The following TRAK1 variants were observed in gnomAD, a reference collection of about 807,000 sequenced individuals.
TRAK1 encodes trafficking kinesin-binding protein 1.
In TRAK1, 33 loss-of-function variants were observed where a neutral mutation model predicts 92.1. The observed-to-expected ratio is 0.36, with a 90% CI of 0.27 to 0.48. The LOEUF (loss-of-function observed/expected upper bound fraction) is 0.48. Among genes scored for constraint, TRAK1 ranks in the 20% least tolerant of loss-of-function variants. TRAK1 has a pLI of 0.99. For missense variants in TRAK1, 1,123 were observed against 1,257.9 expected (o/e 0.89, Z 1.62); for synonymous variants, 521 against 517.3 (o/e 1.01, Z -0.10).
At chr3:42,080,521 T>A (rs115270735) in intron 1 of TRAK1, among the ~76,000 whole-genome samples, 129 of 152,286 alleles carry the variant, frequency 8.5e-4, no homozygotes, top group African/African-American at 3.0e-3. Context: ...TGCCATCCAC[T>A]CTCACTTTTC....
chr3:42,200,555 A>G (rs930584435), intron 11 of TRAK1, among the ~76,000 whole-genome samples: 1 of 152,168 alleles, frequency 6.6e-6, no homozygotes, highest in African/African-American at 2.4e-5. Flanking sequence ...GTGAAACACA[A>G]TTTCACTCTT....
At chr3:42,091,327 A>G (rs1705026728), upstream of TRAK1, 2 of 712,990 alleles carry the variant, frequency 2.8e-6, no homozygotes, top group South Asian at 1.7e-5. Context: ...ACAGCTCACA[A>G]TCTTAGGATT....
chr3:42,036,244 G>A (rs1438409809), intron 1 of TRAK1, among the ~76,000 whole-genome samples: 1 of 152,188 alleles, frequency 6.6e-6, no homozygotes, highest in Non-Finnish European at 1.5e-5. Context: ...AAGATTGTAG[G>A]TTCCATGAGG....
chr3:42,190,577 A>G (rs2149421123), intron 6 of TRAK1, among the ~76,000 whole-genome samples: 1 of 152,264 alleles, frequency 6.6e-6, no homozygotes, highest in Non-Finnish European at 1.5e-5. Context: ...TAAATGCTCC[A>G]GCCCCGGGCG....
intron 1 of TRAK1, among the ~76,000 whole-genome samples, chr3:42,026,779 C>T (rs952287616): frequency 2.0e-5 from 3 of 152,108 alleles, no homozygotes; most frequent in Non-Finnish European, 2.9e-5. Context: ...CCTGCCTCGG[C>T]CTCCCAAAGT....
Position 42,013,848 on chromosome 3 carries a change from C to A in TRAK1, c.-788C>A, listed in dbSNP as rs1477200370. The A allele has an allele frequency of 6.6e-6, 1 of 150,424 alleles. No individual in the cohort carries two copies. The highest frequency in any genetic ancestry group is 1.5e-5 in the Non-Finnish European group (1 of 67,238). The allele number at this position is 150,424 out of a possible 1,614,324, so 9.3% of individuals were successfully genotyped here. A position where few individuals can be genotyped will look rare whatever the true frequency, so the allele number is the denominator to read the frequency against. On this transcript the variant is annotated 5_prime_UTR_variant, in exon 1 of 17. Coordinates refer to the TRAK1 transcript ENST00000487159. The surrounding 1 kb of genome is among the most constrained non-coding windows in gnomAD (Gnocchi z 5.1). ...GAGCCGGAGCGCAGCCTTAGCGTCC[C>A]CGAGAGTCTCGAACGCCCCGACGAC...
At chr3:42,127,347 CTTT>C (rs71741232) in intron 2 of TRAK1, among the ~76,000 whole-genome samples, 5 of 127,846 alleles carry the variant, frequency 3.9e-5, no homozygotes, top group African/African-American at 6.0e-5. Context: ...CATTCATACA[CTTT>C]TTTTTTTTTT....
At chr3:42,186,846 T>C (rs575061294) in intron 4 of TRAK1, among the ~76,000 whole-genome samples, 2 of 152,236 alleles carry the variant, frequency 1.3e-5, no homozygotes, top group Non-Finnish European at 2.9e-5. Flanking sequence ...GCTAAAACTT[T>C]TATGCACGTA....
intron 1 of TRAK1, among the ~76,000 whole-genome samples, chr3:42,048,644 A>C (rs113408487): frequency 6.6e-6 from 1 of 150,482 alleles, no homozygotes; most frequent in Non-Finnish European, 1.5e-5. Context: ...GCTCACTGCA[A>C]CCTCCACCCT....
chr3:42,164,943 C>T (rs1012572773), intron 2 of TRAK1, among the ~76,000 whole-genome samples: 3 of 152,184 alleles, frequency 2.0e-5, no homozygotes, highest in African/African-American at 7.2e-5. Flanking sequence ...TCCTTGTGGC[C>T]TATTACCTGG....
At chr3:42,025,718 C>T (rs1266045013) in intron 1 of TRAK1, among the ~76,000 whole-genome samples, 1 of 152,138 alleles carries the variant, frequency 6.6e-6, no homozygotes, top group Non-Finnish European at 1.5e-5. Flanking sequence ...CTCTTGCTGG[C>T]TGCCTTCTCT....
chr3:42,185,673 C>CTTTTT (rs11376284), intron 4 of TRAK1, among the ~76,000 whole-genome samples: 1 of 136,618 alleles, frequency 7.3e-6, no homozygotes, highest in East Asian at 2.1e-4. Context: ...TTATTCCTTT[C>CTTTTT]TTTTTTTTTT....
rs546484666 is a variant in TRAK1 at position 42,203,473 on chromosome 3, C to T, written c.1744+721C>T. 1.9e-3 allele frequency: 1,909 copies of T among 979,884 alleles called. 3 individuals are homozygous for T. Among genetic ancestry groups the T allele is most frequent in the South Asian group, 3.8e-3 (80 of 21,054 alleles). 60.7% of individuals were successfully genotyped at this position (979,884 alleles called of 1,614,324 possible). On this transcript the variant is annotated intron_variant, in intron 13 of 15. Transcript: ENST00000327628. Reference sequence around the variant, plus strand: ...TGGGAAAAACTTCCTCCTTCCCTCTCTCCCTCTTGCCCTCCTGCCTCTTTT... The same window carrying T: ...TGGGAAAAACTTCCTCCTTCCCTCTTTCCCTCTTGCCCTCCTGCCTCTTTT...
At chr3:42,107,680 T>C (rs886150439) in intron 1 of TRAK1, among the ~76,000 whole-genome samples, 1 of 152,092 alleles carries the variant, frequency 6.6e-6, no homozygotes, top group Non-Finnish European at 1.5e-5. Context: ...CAGGTTAACC[T>C]CTTAGCCTGT....
intron 2 of TRAK1, among the ~76,000 whole-genome samples, chr3:42,145,387 G>A (rs932336617): frequency 1.6e-4 from 24 of 151,626 alleles, no homozygotes; most frequent in Admixed American, 1.4e-3. Flanking sequence ...TTGGGAGGCC[G>A]AGGCATGAGA....
At chr3:42,210,328 G>T in intron 14 of TRAK1, 1 of 1,500,484 alleles carries the variant, frequency 6.7e-7, no homozygotes. Context: ...TTGTAACAAT[G>T]GGTGTAGCTC....
chr3:42,125,420 A>T lies in TRAK1; in HGVS notation c.92A>T (p.Asp31Val). 6.2e-7 allele frequency: 1 copy of T among 1,613,642 alleles called. No homozygotes were observed. The highest frequency in any genetic ancestry group is 8.5e-7 in the Non-Finnish European group (1 of 1,179,868). Reference protein sequence around the residue: ...HGKLIRTNACDVCNSTDLPEV... With the variant: ...HGKLIRTNACVVCNSTDLPEV... ...CATTTCTTGGTTGTCTTGTCTTTAG[A>T]TGTGTGCAACAGCACCGATCTTCCG... is the stretch of plus-strand genomic sequence containing the variant. Residue 31 changes from aspartate (D) to valine (V), a missense_variant and splice_region_variant, in exon 2 of 16, where the codon GAT (aspartate) becomes GTT (valine). By Grantham distance (152) the Asp-to-Val change is radical (BLOSUM62 -3). This residue lies in a region of TRAK1 where 686 missense variants were observed against 747.6 expected (regional missense o/e 0.92). Coordinates refer to ENST00000327628, the MANE Select transcript of TRAK1 (RefSeq NM_001042646.3).
intron 2 of TRAK1, 105 bp from the exon 3 acceptor site, chr3:42,176,709 G>A: frequency 1.0e-6 from 1 of 982,090 alleles, no homozygotes; most frequent in Admixed American, 1.8e-5. Context: ...GTGACCCTCT[G>A]TGTCTAATGT....
At chr3:42,196,443 A>G (rs1229250521) in intron 10 of TRAK1, among the ~76,000 whole-genome samples, 2 of 152,116 alleles carry the variant, frequency 1.3e-5, no homozygotes, top group Admixed American at 6.5e-5. Context: ...TTCCTGTATG[A>G]AGGTCACCAG....
Sources: gnomAD v4.1 joint callset for allele counts (sites outside exome capture counted in the v4.1 genomes callset) on GRCh38, gnomAD v4.1.1 for gene constraint, gnomAD v4.1.1 regional missense constraint, Gnocchi (gnomAD v3.1) non-coding constraint, MANE v1.5 for transcripts, NCBI Gene and HGNC (gene_info 2026-07-23, HGNC 2026-07-21) for gene names.